NAGLU: variants seen among roughly 807,000 people sequenced by gnomAD.
NAGLU encodes N-acetyl-alpha-glucosaminidase.
NAGLU carries 34 observed loss-of-function variants against 43.4 expected under a neutral mutation model. The observed-to-expected ratio is 0.78, with a 90% CI of 0.60 to 1.04. The LOEUF is 1.04. Among genes scored for constraint, NAGLU ranks in the 50% least tolerant of loss-of-function variants. The pLI is 0.00. For synonymous variants in NAGLU, 425 were observed against 437.6 expected (o/e 0.97, Z 0.36); for missense variants, 910 against 993.7 (o/e 0.92, Z 1.13).
At chr17:42,539,896 C>T (rs1266954341) in intron 4 of NAGLU, among the ~76,000 whole-genome samples, 3 of 151,984 alleles carry the variant, frequency 2.0e-5, no homozygotes, top group Admixed American at 6.6e-5. Flanking sequence ...TATGGATCAC[C>T]TGCGGTCAGG....
In NAGLU at chr17:42,544,048, C is replaced by T. The variant is rs540744217; in HGVS notation, c.2042C>T (p.Ala681Val). 13 of 1,612,966 alleles carry T rather than the reference C, an allele frequency of 8.1e-6. No individual in the cohort carries two copies. Among genetic ancestry groups the T allele is most frequent in the Middle Eastern group, 1.6e-4 (1 of 6,082 alleles). ...YTPRWRLFLE[A>V]LVDSVAQGIP... ...CCTCGCTGGCGGCTTTTCCTGGAGG[C>T]GCTGGTTGACAGTGTGGCCCAGGGC... Residue 681 changes from alanine (A) to valine (V), a missense_variant, in exon 6 of 6, where the codon GCG (alanine) becomes GTG (valine). Physicochemically the swap from Ala to Val is moderately conservative, Grantham distance 64. Coordinates refer to ENST00000225927, the MANE Select transcript of NAGLU (RefSeq NM_000263.4).
At position 42,544,163 on chromosome 17, in the gene NAGLU, G is replaced by A. The variant is rs114687267; in HGVS notation, c.2157G>A (p.Pro719=). 1,134 of 1,613,692 alleles carry A rather than the reference G, an allele frequency of 7.0e-4. 1 individual carries two copies. The highest frequency in any genetic ancestry group is 7.9e-4 in the Non-Finnish European group (935 of 1,180,030). Reference sequence around the variant, plus strand: ...GCAAGCAGAGGTACCCCAGCCAGCCGCGAGGAGACACTGTGGACCTGGCCA... The same window carrying A: ...GCAAGCAGAGGTACCCCAGCCAGCCACGAGGAGACACTGTGGACCTGGCCA... ...VLSKQRYPSQ[P]RGDTVDLAKK... The change falls in exon 6 of 6, where the codon CCG becomes CCA. Residue 719 remains proline (P), a synonymous_variant. Transcript: ENST00000225927.
intron 1 of NAGLU, 104 bp downstream of exon 1, chr17:42,536,759 C>T: frequency 7.5e-7 from 1 of 1,337,490 alleles, no homozygotes; most frequent in Non-Finnish European, 9.6e-7. Flanking sequence ...GGCCGGAAGG[C>T]CCAGCTGCGC....
At chr17:42,542,395 A>G (rs1017613843) in intron 5 of NAGLU, among the ~76,000 whole-genome samples, 1 of 152,054 alleles carries the variant, frequency 6.6e-6, no homozygotes, top group Non-Finnish European at 1.5e-5. Flanking sequence ...AACAGGTTTC[A>G]CCATGGTGGC....
intron 5 of NAGLU, among the ~76,000 whole-genome samples, chr17:42,541,905 A>ATT (rs576041392): frequency 6.2e-4 from 90 of 144,134 alleles, no homozygotes; most frequent in African/African-American, 2.2e-3. Flanking sequence ...GAGAAGCTAC[A>ATT]TTTTTTTTTT....
In NAGLU at chr17:42,544,059, A is replaced by C; in HGVS notation, c.2053A>C (p.Ser685Arg). The C allele has an allele frequency of 6.2e-7, 1 of 1,613,776 alleles. No homozygotes were observed. The highest frequency in any genetic ancestry group is 1.3e-5 in the African/African-American group (1 of 75,034). The change falls in exon 6 of 6, where the codon AGT (serine) becomes CGT (arginine). Residue 685 changes from serine to arginine, a missense_variant. Coordinates refer to ENST00000225927, the MANE Select transcript of NAGLU (RefSeq NM_000263.4). ...GCTTTTCCTGGAGGCGCTGGTTGAC[A>C]GTGTGGCCCAGGGCATCCCTTTCCA... ...WRLFLEALVD[S>R]VAQGIPFQQH...
At chr17:42,542,927 A>G in intron 5 of NAGLU, 101 bp from the exon 6 acceptor site, 1 of 1,559,506 alleles carries the variant, frequency 6.4e-7, no homozygotes, top group Non-Finnish European at 8.7e-7. Context: ...ATGGGAAGCC[A>G]TGACCTGGGA....
At chr17:42,539,705 T>G (rs965047682) in intron 4 of NAGLU, among the ~76,000 whole-genome samples, 4 of 152,122 alleles carry the variant, frequency 2.6e-5, no homozygotes, top group African/African-American at 7.2e-5. Flanking sequence ...ATAGGAGAGA[T>G]ATGTTGGCTG....
At chr17:42,538,216 T>G in intron 2 of NAGLU, 123 bp from the exon 3 acceptor site, 3 of 1,466,960 alleles carry the variant, frequency 2.0e-6, no homozygotes, top group Non-Finnish European at 2.9e-6. Flanking sequence ...GATGGCAGCG[T>G]TCGGATTTTG....
chr17:42,544,115 A>C lies in NAGLU; in HGVS notation c.2109A>C (p.Gln703His), dbSNP rs754927686. 1.2e-6 allele frequency: 2 copies of C among 1,613,914 alleles called. No individual in the cohort carries two copies. Among genetic ancestry groups the C allele is most frequent in the Non-Finnish European group, 1.7e-6 (2 of 1,180,012 alleles). Residue 703 changes from glutamine to histidine, a missense_variant, in exon 6 of 6, where the codon CAA becomes CAC. Physicochemically the swap from Gln to His is conservative, Grantham distance 24. Coordinates refer to ENST00000225927, the MANE Select transcript of NAGLU (RefSeq NM_000263.4). ...ACCAGTTTGACAAAAATGTCTTCCA[A>C]CTGGAGCAGGCCTTCGTTCTCAGCA... Reference protein sequence around the residue: ...QQHQFDKNVFQLEQAFVLSKQ... With the variant: ...QQHQFDKNVFHLEQAFVLSKQ...
In NAGLU at chr17:42,541,086, A is replaced by T; in HGVS notation, c.901A>T (p.Lys301Ter). 6.2e-7 allele frequency: 1 copy of T among 1,614,138 alleles called. No homozygotes were observed. ...IGSLFLRELI[K>*]EFGTDHIYGA... ...GAGCCTCTTCCTGCGAGAGCTGATC[A>T]AAGAGTTTGGCACAGACCACATCTA... Residue 301 changes from lysine to a stop codon, truncating the protein, a stop_gained, in exon 5 of 6, where the codon AAA (lysine) becomes TAA (stop). Transcript: ENST00000225927. LOFTEE classifies it high-confidence loss of function.
chr17:42,543,999 G>T lies in NAGLU; in HGVS notation c.1993G>T (p.Gly665Trp). The T allele has an allele frequency of 6.2e-7, 1 of 1,610,938 alleles. No homozygotes were observed. Among genetic ancestry groups the T allele is most frequent in the Non-Finnish European group, 8.5e-7 (1 of 1,178,660 alleles). The change falls in exon 6 of 6, where the codon GGG becomes TGG. Residue 665 changes from glycine (G) to tryptophan (W), a missense_variant. Transcript: ENST00000225927. The part of the protein sequence containing the change: ...ILDYANKQLA[G>W]LVANYYTPRW... ...GGACTATGCCAACAAGCAGCTGGCG[G>T]GGTTGGTGGCCAACTACTACACCCC...
rs1326856123 is a variant in NAGLU, at chr17:42,543,378, A to G, written c.1372A>G (p.Met458Val). The change falls in exon 6 of 6, where the codon ATG becomes GTG. Residue 458 changes from methionine (M) to valine (V), a missense_variant. Met to Val is a conservative substitution (Grantham distance 21). Coordinates refer to ENST00000225927, the MANE Select transcript of NAGLU (RefSeq NM_000263.4). ...CCAGAACGAAGTGGTCTATTCCCTC[A>G]TGGCTGAGCTGGGCTGGCGAAAGGA... ...ISQNEVVYSL[M>V]AELGWRKDPV... The G allele has an allele frequency of 1.2e-6, 2 of 1,611,326 alleles. No homozygotes were observed. The highest frequency in any genetic ancestry group is 1.7e-5 in the Admixed American group (1 of 59,622).
At chr17:42,540,682 T>G (rs1218852938) in intron 4 of NAGLU, among the ~76,000 whole-genome samples, 39 of 130,262 alleles carry the variant, frequency 3.0e-4, no homozygotes, top group African/African-American at 9.8e-4. Context: ...GGGGACAGAG[T>G]GAGACTCTGC....
chr17:42,536,459 G>A lies in NAGLU; in HGVS notation c.187G>A (p.Asp63Asn). The change falls in exon 1 of 6, where the codon GAC (aspartate) becomes AAC (asparagine). Residue 63 changes from aspartate (D) to asparagine (N), a missense_variant. By Grantham distance (23) the Asp-to-Asn change is conservative. Coordinates refer to ENST00000225927, the MANE Select transcript of NAGLU (RefSeq NM_000263.4). ...CGCTCTGGCTGCCAAGCCGGGCTTG[G>A]ACACCTACAGCCTGGGCGGCGGCGG... ...ERALAAKPGL[D>N]TYSLGGGGAA... is the part of the protein sequence containing the mutation. 1 of 1,257,054 alleles carries A rather than the reference G, an allele frequency of 8.0e-7. No individual in the cohort carries two copies. The highest frequency in any genetic ancestry group is 1.0e-6 in the Non-Finnish European group (1 of 993,786). The allele number at this position is 1,257,054 out of a possible 1,614,324, so 77.9% of individuals were successfully genotyped here. A position where few individuals can be genotyped will look rare whatever the true frequency, so the allele number is the denominator to read the frequency against.
intron 2 of NAGLU, among the ~76,000 whole-genome samples, chr17:42,537,855 C>T (rs1186243133): frequency 7.0e-6 from 1 of 142,606 alleles, no homozygotes; most frequent in Non-Finnish European, 1.5e-5. Context: ...GAGCGAGACT[C>T]TGTCTAAAAA....
At chr17:42,537,609 C>G (rs1599255131) in intron 2 of NAGLU, 64 bp downstream of exon 2, 2 of 1,589,626 alleles carry the variant, frequency 1.3e-6, no homozygotes, top group East Asian at 2.3e-5. Flanking sequence ...GTGTTTTCAC[C>G]CGCCCCCCAG....
At chr17:42,538,262 T>C in intron 2 of NAGLU, 77 bp from the exon 3 acceptor site, 1 of 1,606,874 alleles carries the variant, frequency 6.2e-7, no homozygotes, top group Non-Finnish European at 8.5e-7. Flanking sequence ...AAAGAAGCAA[T>C]GAGTGAATGG....
rs780376108 is a variant in NAGLU at position 42,543,230 on chromosome 17, C to T, written c.1224C>T (p.His408=). The T allele has an allele frequency of 1.2e-6, 2 of 1,614,240 alleles. No homozygotes were observed. The highest frequency in any genetic ancestry group is 1.7e-6 in the Non-Finnish European group (2 of 1,180,052). The change falls in exon 6 of 6, where the codon CAC becomes CAT. Residue 408 remains histidine (H), a synonymous_variant. Coordinates refer to ENST00000225927, the MANE Select transcript of NAGLU (RefSeq NM_000263.4). ...AGCCCTTCATCTGGTGCATGCTGCA[C>T]AACTTTGGGGGAAACCATGGTCTTT... ...QGQPFIWCML[H]NFGGNHGLFG...
Sources: gnomAD v4.1 joint callset for allele counts (sites outside exome capture counted in the v4.1 genomes callset) on GRCh38, gnomAD v4.1.1 for gene constraint, MANE v1.5 for transcripts, NCBI Gene and HGNC (gene_info 2026-07-23, HGNC 2026-07-21) for gene names.